Variants in CC2D2B observed in about 807,000 individuals in gnomAD.
CC2D2B encodes the protein coiled-coil and C2 domain containing 2B, also known as protein CC2D2B.
Under a neutral mutation model 161.2 loss-of-function variants are expected in CC2D2B, and 128 were observed. The observed-to-expected ratio is 0.79, with a 90% confidence interval of 0.69 to 0.92. The LOEUF is 0.92. Among genes scored for constraint, CC2D2B ranks in the 40% least tolerant of loss-of-function variants. The probability of loss-of-function intolerance (pLI) is 0.00; values close to 1 mark genes in which losing one functional copy is unlikely to be tolerated. For synonymous variants in CC2D2B, 391 were observed against 449.8 expected (o/e 0.87, Z 1.65); for missense variants, 1,173 against 1,375.1 (o/e 0.85, Z 2.32).
chr10:95,978,674 G>A (rs1363998989), intron 17 of CC2D2B, among the ~76,000 whole-genome samples: 1 of 152,068 alleles, frequency 6.6e-6, no homozygotes, highest in Non-Finnish European at 1.5e-5. Context: ...GCCCAGCCAA[G>A]CCTCAGCCTA....
At chr10:96,024,450 C>G (rs2079604046) in intron 32 of CC2D2B, among the ~76,000 whole-genome samples, 1 of 152,140 alleles carries the variant, frequency 6.6e-6, no homozygotes, top group Admixed American at 6.5e-5. Flanking sequence ...TTACAAAACC[C>G]TAGAGCAGTA....
intron 6 of CC2D2B, among the ~76,000 whole-genome samples, chr10:95,934,115 C>T (rs1364197050): frequency 1.3e-5 from 2 of 152,186 alleles, no homozygotes; most frequent in African/African-American, 2.4e-5. Flanking sequence ...TTGGCTACAG[C>T]AGCTTTGCCA....
At chr10:95,947,106 TATATATA>T (rs1238097760) in intron 9 of CC2D2B, among the ~76,000 whole-genome samples, 2 of 37,184 alleles carry the variant, frequency 5.4e-5, no homozygotes, top group East Asian at 2.1e-3. Context: ...TATATATATA[TATATATA>T]TTTTTTTTTT....
At chr10:96,030,983 A>AT (rs1378261156) in intron 34 of CC2D2B, among the ~76,000 whole-genome samples, 2 of 152,164 alleles carry the variant, frequency 1.3e-5, no homozygotes, top group Non-Finnish European at 2.9e-5. Context: ...GAAAACAGGA[A>AT]TTTTTTTAAA....
intron 2 of CC2D2B, among the ~76,000 whole-genome samples, chr10:95,913,123 G>A (rs2098509553): frequency 7.2e-6 from 1 of 138,306 alleles, no homozygotes; most frequent in African/African-American, 2.8e-5. Context: ...ACCTTTCCCA[G>A]TCTCTGGAAA....
At chr10:96,020,980 A>T (rs1000257252) in intron 32 of CC2D2B, 1 of 152,258 alleles carries the variant, frequency 6.6e-6, no homozygotes, top group Non-Finnish European at 1.5e-5. Flanking sequence ...TTGAGGTTAC[A>T]GTGAGCTATG....
At chr10:95,923,013 C>T (rs1264925816) in intron 3 of CC2D2B, among the ~76,000 whole-genome samples, 3 of 151,134 alleles carry the variant, frequency 2.0e-5, no homozygotes, top group Non-Finnish European at 2.9e-5. Flanking sequence ...AGTGCAATGG[C>T]GTGATCTCGG....
In CC2D2B at chr10:96,019,199, A is replaced by T; in HGVS notation, c.3631-4A>T. The T allele has an allele frequency of 6.3e-7, 1 of 1,581,262 alleles. No individual in the cohort carries two copies. The highest frequency in any genetic ancestry group is 8.6e-7 in the Non-Finnish European group (1 of 1,168,130). On this transcript the variant is annotated splice_region_variant and splice_polypyrimidine_tract_variant and intron_variant, in intron 30 of 34. Transcript: ENST00000646931. ...CAAAAATTACTTTCTTTTTTCTCAT[A>T]CAGGGGCATGTGGCTTATGTAGTAA...
At chr10:95,976,509 G>A (rs11188541) in intron 17 of CC2D2B, among the ~76,000 whole-genome samples, 40,894 of 152,162 alleles carry the variant, frequency 0.27, 6,508 homozygotes, top group Admixed American at 0.36. Context: ...ACAATTAGAG[G>A]AAGTTACAGA....
chr10:95,925,313 G>T (rs1240330581), intron 5 of CC2D2B, among the ~76,000 whole-genome samples: 1 of 152,202 alleles, frequency 6.6e-6, no homozygotes, highest in East Asian at 1.9e-4. Flanking sequence ...TTAGAGATTA[G>T]TTGGCAGTTT....
At chr10:95,998,886 C>T (rs1203473857) in intron 24 of CC2D2B, among the ~76,000 whole-genome samples, 2 of 152,002 alleles carry the variant, frequency 1.3e-5, no homozygotes, top group African/African-American at 4.8e-5. Flanking sequence ...GAGGTCGAGG[C>T]GGGTGGATCA....
intron 24 of CC2D2B, among the ~76,000 whole-genome samples, chr10:96,003,511 C>T (rs1258750224): frequency 1.3e-5 from 2 of 151,932 alleles, no homozygotes; most frequent in African/African-American, 2.4e-5. Context: ...CTCCGCCTCC[C>T]GGGTTCAAGC....
At chr10:95,935,407 T>G (rs2075784278) in intron 6 of CC2D2B, among the ~76,000 whole-genome samples, 1 of 152,170 alleles carries the variant, frequency 6.6e-6, no homozygotes, top group Admixed American at 6.5e-5. Flanking sequence ...TGTCTCCCTC[T>G]GTATTCACTA....
At chr10:95,923,055 C>T (rs2098530888) in intron 3 of CC2D2B, among the ~76,000 whole-genome samples, 1 of 152,018 alleles carries the variant, frequency 6.6e-6, no homozygotes, top group Admixed American at 6.6e-5. Flanking sequence ...CGGGTTCAAG[C>T]AATTCTCCTG....
intron 32 of CC2D2B, among the ~76,000 whole-genome samples, chr10:96,024,603 G>A (rs1185958166): frequency 3.3e-5 from 5 of 152,158 alleles, no homozygotes; most frequent in African/African-American, 1.2e-4. Context: ...TTTGAAAAAT[G>A]AATTGGGGCG....
chr10:95,927,189 TA>T (rs1564586720), intron 5 of CC2D2B, 47 bp from the exon 6 acceptor site: 4 of 1,048,596 alleles, frequency 3.8e-6, no homozygotes, highest in Non-Finnish European at 5.7e-6. Flanking sequence ...CCTTTACTTA[TA>T]AGCAGAAAAA....
chr10:95,969,544 G>A (rs759300622), intron 15 of CC2D2B, among the ~76,000 whole-genome samples: 3 of 152,000 alleles, frequency 2.0e-5, no homozygotes, highest in Admixed American at 6.6e-5. Flanking sequence ...ATAAAGATTT[G>A]TGTGTAAGAA....
Position 95,974,164 on chromosome 10 carries a change from A to C in CC2D2B, c.1943+8A>C. 1 of 1,225,792 alleles carries C rather than the reference A, an allele frequency of 8.2e-7. No homozygotes were observed. Among genetic ancestry groups the C allele is most frequent in the Non-Finnish European group, 1.0e-6 (1 of 982,238 alleles). 75.9% of individuals were successfully genotyped at this position (1,225,792 alleles called of 1,614,324 possible). A position where few individuals can be genotyped will look rare whatever the true frequency, so the allele number is the denominator to read the frequency against. ...AAGATCTTCTTACTGCAGGTAATAA[A>C]CTTTTATCTTTGAAAAATAATGCCA... On this transcript the variant is annotated splice_region_variant and intron_variant, in intron 17 of 34. Transcript: ENST00000646931.
In CC2D2B at chr10:95,955,442, A is replaced by G; in HGVS notation, c.1060A>G (p.Ile354Val). 2.5e-6 allele frequency: 1 copy of G among 398,446 alleles called. No individual in the cohort carries two copies. The highest frequency in any genetic ancestry group is 4.4e-6 in the Non-Finnish European group (1 of 225,636). The allele number at this position is 398,446 out of a possible 1,614,324, so 24.7% of individuals were successfully genotyped here. A position where few individuals can be genotyped will look rare whatever the true frequency, so the allele number is the denominator to read the frequency against. The change falls in exon 11 of 35, where the codon ATT (isoleucine) becomes GTT (valine). Residue 354 changes from isoleucine (I) to valine (V), a missense_variant. Physicochemically the swap from Ile to Val is conservative, Grantham distance 29 (BLOSUM62 3). Transcript: ENST00000646931. ...ATKLSNENSE[I>V]NQLTRKSLQD... ...CAAATTGTCAAATGAAAATTCAGAA[A>G]TTAACCAGCTGACCAGAAAATCTTT...
Sources: gnomAD v4.1 joint callset for allele counts (sites outside exome capture counted in the v4.1 genomes callset) on GRCh38, gnomAD v4.1.1 for gene constraint, MANE v1.5 for transcripts, NCBI Gene and HGNC (gene_info 2026-07-23, HGNC 2026-07-21) for gene names.